Variants in ABCA8 observed in about 807,000 individuals in gnomAD.
The protein encoded by ABCA8 is ABC-type organic anion transporter ABCA8.
Under a neutral mutation model 192.3 loss-of-function variants are expected in ABCA8, and 177 were observed. That is an observed-to-expected ratio of 0.92 (90% CI 0.81 to 1.04). ABCA8 has a LOEUF of 1.04. ABCA8 is among the 50% of genes least tolerant of loss of function. ABCA8 has a pLI of 0.00. For missense variants in ABCA8, 1,915 were observed against 1,904.8 expected, an observed-to-expected ratio of 1.01 and a Z score of -0.10; for synonymous variants, 642 against 690.2, an observed-to-expected ratio of 0.93 and a Z score of 1.09.
intron 15 of ABCA8, 27 bp downstream of exon 15, chr17:68,918,400 T>A: frequency 1.3e-6 from 2 of 1,554,196 alleles, no homozygotes; most frequent in Non-Finnish European, 1.7e-6. Flanking sequence ...AAACTTTGAA[T>A]TCACCTGCAA....
At chr17:68,870,341 C>T (rs2066017180) in intron 37 of ABCA8, among the ~76,000 whole-genome samples, 1 of 152,158 alleles carries the variant, frequency 6.6e-6, no homozygotes, top group Admixed American at 6.5e-5. Flanking sequence ...CCCAACCGGC[C>T]CCATCTTGGG....
At chr17:68,872,044 C>A (rs971553163) in intron 37 of ABCA8, among the ~76,000 whole-genome samples, 1 of 152,122 alleles carries the variant, frequency 6.6e-6, no homozygotes, top group Non-Finnish European at 1.5e-5. Flanking sequence ...GGATCTACAA[C>A]TGGAAATACC....
Position 68,921,324 on chromosome 17 carries a change from C to T in ABCA8, c.1612+58G>A, listed in dbSNP as rs188515912. On this transcript the variant is annotated intron_variant, in intron 13 of 39. Transcript: ENST00000586539. ...ATGTAACTAACCTGCACGTTGTGCA[C>T]ATGTACCCTAAAACTTAAAGTATAA... 5.5e-4 allele frequency: 692 copies of T among 1,266,372 alleles called. 6 individuals are homozygous for T. The African/African-American group carries it at 9.3e-3, about 17-fold the overall frequency. 78.4% of individuals were successfully genotyped at this position (1,266,372 alleles called of 1,614,324 possible).
At chr17:68,947,371 G>A (rs150863488) in intron 2 of ABCA8, among the ~76,000 whole-genome samples, 79 of 152,088 alleles carry the variant, frequency 5.2e-4, no homozygotes, top group African/African-American at 1.8e-3. Context: ...ATTTTACTTG[G>A]GATTGTGTAT....
chr17:68,920,678 T>C (rs192612298), intron 13 of ABCA8, among the ~76,000 whole-genome samples: 58 of 152,338 alleles, frequency 3.8e-4, no homozygotes, highest in African/African-American at 1.3e-3. Flanking sequence ...CAATTGACTT[T>C]GAAAATAAAC....
chr17:68,891,417 AT>A, intron 24 of ABCA8, 71 bp downstream of exon 24: 1 of 1,054,144 alleles, frequency 9.5e-7, no homozygotes, highest in Non-Finnish European at 1.4e-6. Flanking sequence ...AAATATTCTT[AT>A]GAAAAATTGT....
intron 3 of ABCA8, 144 bp downstream of exon 3, chr17:68,941,795 A>G (rs2068236412): frequency 1.8e-6 from 1 of 549,152 alleles, no homozygotes; most frequent in African/African-American, 1.9e-5. Context: ...GGCCTGAAGA[A>G]TAGCGTTTTC....
At chr17:68,895,610 C>T (rs888203617) in intron 21 of ABCA8, among the ~76,000 whole-genome samples, 1 of 152,100 alleles carries the variant, frequency 6.6e-6, no homozygotes, top group African/African-American at 2.4e-5. Flanking sequence ...CAGCCTGATC[C>T]GTCTACTCCC....
In ABCA8 at chr17:68,902,567, C is replaced by G. The variant is rs1045641345; in HGVS notation, c.2764+146G>C. On this transcript the variant is annotated intron_variant, in intron 21 of 39. Coordinates refer to ENST00000586539, the MANE Select transcript of ABCA8 (RefSeq NM_001288985.2). ...TTACCTATTCCTGCTTCTTTGGGGG[C>G]CTGTATTTATTATCTTTAAGTTTCA... 2.6e-5 allele frequency: 15 copies of G among 578,552 alleles called. No homozygotes were observed. The Middle Eastern group carries it at 1.4e-3, about 55-fold the overall frequency. The allele number at this position is 578,552 out of a possible 1,614,324, so 35.8% of individuals were successfully genotyped here.
At chr17:68,884,743 T>C in intron 27 of ABCA8, 1 of 1,056,658 alleles carries the variant, frequency 9.5e-7, no homozygotes, top group Non-Finnish European at 1.1e-6. Flanking sequence ...TTCTCTTCCT[T>C]TCCCCTTCCC....
intron 17 of ABCA8, among the ~76,000 whole-genome samples, chr17:68,915,863 T>G (rs1278793754): frequency 6.6e-6 from 1 of 152,192 alleles, no homozygotes; most frequent in Admixed American, 6.5e-5. Context: ...AGCCGAGATT[T>G]GGAAGCAACC....
At chr17:68,898,403 A>G (rs1340972646) in intron 21 of ABCA8, among the ~76,000 whole-genome samples, 1 of 152,140 alleles carries the variant, frequency 6.6e-6, no homozygotes, top group African/African-American at 2.4e-5. Flanking sequence ...GGTAGAATAG[A>G]ACTTTTTTCC....
At chr17:68,870,787 T>C (rs1342985780) in intron 37 of ABCA8, among the ~76,000 whole-genome samples, 1 of 152,204 alleles carries the variant, frequency 6.6e-6, no homozygotes, top group Non-Finnish European at 1.5e-5. Context: ...CTATTAAGAA[T>C]AGTGCTGCAA....
chr17:68,878,013 A>G lies in ABCA8; in HGVS notation c.4039-334T>C, dbSNP rs143034398. 80 of 197,352 alleles carry G rather than the reference A, an allele frequency of 4.1e-4. No homozygotes were observed. In the East Asian group the frequency reaches 8.8e-3, roughly 22 times the overall value. 12.2% of individuals were successfully genotyped at this position (197,352 alleles called of 1,614,324 possible). ...ATTGAATTACTATTTAACTTCGCTC[A>G]TGGATCAACATCTTTTGAGTACCTC... On this transcript the variant is annotated intron_variant, in intron 32 of 39. Coordinates refer to ENST00000586539, the MANE Select transcript of ABCA8 (RefSeq NM_001288985.2).
At chr17:68,883,524 C>T (rs2066386370) in intron 29 of ABCA8, among the ~76,000 whole-genome samples, 1 of 152,148 alleles carries the variant, frequency 6.6e-6, no homozygotes, top group Non-Finnish European at 1.5e-5. Flanking sequence ...TTAGATGGGA[C>T]CTGCCACATT....
intron 17 of ABCA8, among the ~76,000 whole-genome samples, chr17:68,908,592 G>C (rs1460119065): frequency 6.6e-6 from 1 of 152,156 alleles, no homozygotes; most frequent in Non-Finnish European, 1.5e-5. Context: ...GGATGAATGT[G>C]GTTTGCTTTT....
chr17:68,921,750 A>G (rs1384810259), intron 12 of ABCA8, among the ~76,000 whole-genome samples: 1 of 152,202 alleles, frequency 6.6e-6, no homozygotes, highest in Non-Finnish European at 1.5e-5. Context: ...ATATCTATAT[A>G]ATAGGTTGAT....
intron 18 of ABCA8, 25 bp downstream of exon 18, chr17:68,907,715 A>G (rs779512872): frequency 1.3e-6 from 2 of 1,541,624 alleles, no homozygotes; most frequent in South Asian, 2.6e-5. Flanking sequence ...CACATATTTT[A>G]TTTCACAGTG....
intron 24 of ABCA8, among the ~76,000 whole-genome samples, chr17:68,888,117 G>A (rs1277742622): frequency 6.8e-6 from 1 of 146,916 alleles, no homozygotes; most frequent in African/African-American, 2.5e-5. Flanking sequence ...ATATATAATT[G>A]CTTTATCCTT....
Sources: allele counts gnomAD v4.1 joint callset (sites outside exome capture counted in the v4.1 genomes callset), GRCh38; gene constraint gnomAD v4.1.1; transcripts MANE v1.5; gene names NCBI Gene and HGNC (gene_info 2026-07-23, HGNC 2026-07-21).